ST6GALNAC3: variants seen among roughly 807,000 people sequenced by gnomAD.
The protein encoded by ST6GALNAC3 is alpha-N-acetylgalactosaminide alpha-2,6-sialyltransferase 3.
Under a neutral mutation model 32.7 loss-of-function variants are expected in ST6GALNAC3, and 25 were observed. The observed-to-expected ratio is 0.76, with a 90% confidence interval of 0.56 to 1.07. The LOEUF is 1.07. ST6GALNAC3 is among the 50% of genes least tolerant of loss of function. The pLI is 0.00. For synonymous variants in ST6GALNAC3, 129 were observed against 133.1 expected (o/e 0.97, Z 0.21); for missense variants, 355 against 382.4 (o/e 0.93, Z 0.60).
chr1:76,181,147 C>T (rs1351021514), intron 1 of ST6GALNAC3, among the ~76,000 whole-genome samples: 1 of 152,196 alleles, frequency 6.6e-6, no homozygotes, highest in East Asian at 1.9e-4. Context: ...GGGGTTTGAG[C>T]GATGGTGGTG....
At chr1:76,123,749 A>ATTTTTTTTTTTT (rs767734132) in intron 1 of ST6GALNAC3, among the ~76,000 whole-genome samples, 1 of 94,290 alleles carries the variant, frequency 1.1e-5, no homozygotes, top group African/African-American at 4.3e-5. Context: ...ACTCATTTTA[A>ATTTTTTTTTTTT]TTTTTTTTTT....
intron 2 of ST6GALNAC3, among the ~76,000 whole-genome samples, chr1:76,347,728 A>T (rs2101012262): frequency 6.6e-6 from 1 of 152,266 alleles, no homozygotes; most frequent in East Asian, 1.9e-4. Flanking sequence ...TCTGGAGTCA[A>T]ACTTCCTGGG....
At chr1:76,472,972 G>T (rs528953443) in intron 3 of ST6GALNAC3, among the ~76,000 whole-genome samples, 1 of 152,248 alleles carries the variant, frequency 6.6e-6, no homozygotes, top group East Asian at 1.9e-4. Flanking sequence ...TGAAAGGCGA[G>T]TGAGGATGGA....
chr1:76,337,915 G>GGTGGTA (rs1647638658), intron 2 of ST6GALNAC3, among the ~76,000 whole-genome samples: 1 of 152,136 alleles, frequency 6.6e-6, no homozygotes, highest in African/African-American at 2.4e-5. Context: ...GGCTGCGTGA[G>GGTGGTA]GTGGTACATA....
At chr1:76,466,715 C>T (rs988726640) in intron 3 of ST6GALNAC3, among the ~76,000 whole-genome samples, 3 of 151,988 alleles carry the variant, frequency 2.0e-5, no homozygotes, top group Admixed American at 6.6e-5. Context: ...GAAACAACTA[C>T]GTGCTCAACA....
At chr1:76,367,542 G>T (rs916998087) in intron 2 of ST6GALNAC3, among the ~76,000 whole-genome samples, 1 of 152,196 alleles carries the variant, frequency 6.6e-6, no homozygotes, top group African/African-American at 2.4e-5. Context: ...TGGGGCAAAA[G>T]TTCAGTGAAA....
intron 2 of ST6GALNAC3, among the ~76,000 whole-genome samples, chr1:76,378,666 C>G (rs565513249): frequency 2.0e-5 from 2 of 101,632 alleles, no homozygotes; most frequent in Admixed American, 2.2e-4. Flanking sequence ...CCTTCCCCCC[C>G]CCAAAAAAAA....
intron 3 of ST6GALNAC3, among the ~76,000 whole-genome samples, chr1:76,508,580 A>G (rs1302245721): frequency 6.6e-6 from 1 of 152,080 alleles, no homozygotes; most frequent in African/African-American, 2.4e-5. Context: ...AACCCCCCGG[A>G]GTCTACCCCT....
intron 1 of ST6GALNAC3, among the ~76,000 whole-genome samples, chr1:76,203,781 G>A (rs990818377): frequency 1.3e-5 from 2 of 151,924 alleles, no homozygotes; most frequent in African/African-American, 4.8e-5. Context: ...TATTTTCAGG[G>A]TACCTGTGAT....
At chr1:76,217,044 C>A (rs1655505002) in intron 1 of ST6GALNAC3, among the ~76,000 whole-genome samples, 2 of 152,128 alleles carry the variant, frequency 1.3e-5, no homozygotes, top group Non-Finnish European at 2.9e-5. Context: ...AAGATAACAC[C>A]TCATTTTAAT....
At chr1:76,480,034 A>G (rs577197868) in intron 3 of ST6GALNAC3, among the ~76,000 whole-genome samples, 74 of 152,218 alleles carry the variant, frequency 4.9e-4, no homozygotes, top group Admixed American at 3.4e-3. Context: ...AACAGAATTG[A>G]CAGCTCCCAC....
rs142878127 is a variant in ST6GALNAC3, at chr1:76,459,992, T to C, written c.623+47575T>C. ...CTTGAATACCTGTTTTCAGTTCTTTTGGGAATACTTAGGAGTAGAATTGAT... is the reference window on the plus strand; with the variant it reads ...CTTGAATACCTGTTTTCAGTTCTTTCGGGAATACTTAGGAGTAGAATTGAT... On this transcript the variant is annotated intron_variant, in intron 3 of 4. Coordinates refer to ENST00000328299, the MANE Select transcript of ST6GALNAC3 (RefSeq NM_152996.4). 2.3e-4 allele frequency among the ~76,000 whole-genome samples: 35 copies of C among 152,314 alleles called. No individual in the cohort carries two copies. In the East Asian group the frequency reaches 6.2e-3, roughly 27 times the overall value.
At chr1:76,490,125 A>G in intron 3 of ST6GALNAC3, among the ~76,000 whole-genome samples, 1 of 152,060 alleles carries the variant, frequency 6.6e-6, no homozygotes, top group Non-Finnish European at 1.5e-5. Context: ...AGTCCTCTCT[A>G]TCTCCTGACC....
chr1:76,244,170 G>T (rs1336530550), intron 1 of ST6GALNAC3, among the ~76,000 whole-genome samples: 17 of 151,864 alleles, frequency 1.1e-4, no homozygotes, highest in Admixed American at 1.0e-3. Context: ...CTTGTTCCTT[G>T]TAAGTTATAT....
In ST6GALNAC3 at chr1:76,455,851, G is replaced by A. The variant is rs983796437; in HGVS notation, c.623+43434G>A. On this transcript the variant is annotated intron_variant, in intron 3 of 4. Transcript: ENST00000328299. ...TTTCAGAGCCTCTTTACCCTTATCT[G>A]TAGAATGTCCACCTTAGGAATTGAA... is the stretch of plus-strand genomic sequence containing the variant. Among the ~76,000 whole-genome samples, 3 of 152,086 alleles carry A rather than the reference G, an allele frequency of 2.0e-5. No homozygotes were observed. In the East Asian group the frequency reaches 5.8e-4, roughly 29 times the overall value.
chr1:76,479,647 C>T (rs984948676), intron 3 of ST6GALNAC3, among the ~76,000 whole-genome samples: 12 of 152,254 alleles, frequency 7.9e-5, no homozygotes, highest in African/African-American at 2.9e-4. Flanking sequence ...ACTCATTTCC[C>T]TAGCAACGGT....
chr1:76,257,719 G>A (rs185073327), intron 1 of ST6GALNAC3, among the ~76,000 whole-genome samples: 5 of 152,100 alleles, frequency 3.3e-5, no homozygotes, highest in East Asian at 1.9e-4. Context: ...ATGAAAGCCC[G>A]TAGCTTCTAA....
intron 3 of ST6GALNAC3, among the ~76,000 whole-genome samples, chr1:76,622,644 T>C (rs960383391): frequency 2.0e-5 from 3 of 151,966 alleles, no homozygotes; most frequent in Non-Finnish European, 4.4e-5. Context: ...CAAAGAGTTA[T>C]CCTGTCCAAA....
At chr1:76,475,760 C>T (rs1463164179) in intron 3 of ST6GALNAC3, among the ~76,000 whole-genome samples, 3 of 152,058 alleles carry the variant, frequency 2.0e-5, no homozygotes, top group Non-Finnish European at 2.9e-5. Context: ...TGCAGACCTG[C>T]CACATAGGCA....
Sources: gnomAD v4.1 joint callset for allele counts (sites outside exome capture counted in the v4.1 genomes callset) on GRCh38, gnomAD v4.1.1 for gene constraint, MANE v1.5 for transcripts, NCBI Gene and HGNC (gene_info 2026-07-23, HGNC 2026-07-21) for gene names.